The following SP110 variants were observed in gnomAD, a reference collection of about 807,000 sequenced individuals.
SP110 encodes the protein interferon-induced protein 41, 30kD.
In SP110, 62 loss-of-function variants were observed where a neutral mutation model predicts 92.7. That is an observed-to-expected ratio of 0.67 (90% CI 0.55 to 0.83). The LOEUF (loss-of-function observed/expected upper bound fraction) is 0.83, where lower values mean the gene tolerates loss of function less well. SP110 is among the 40% of genes least tolerant of loss of function. The pLI is 0.00. For missense variants in SP110, 793 were observed against 863.9 expected, an observed-to-expected ratio of 0.92 and a Z score of 1.03; for synonymous variants, 273 against 305.3, an observed-to-expected ratio of 0.89 and a Z score of 1.10.
chr2:230,221,620 G>T, upstream of SP110: 1 of 1,288,042 alleles, frequency 7.8e-7, no homozygotes, highest in Non-Finnish European at 1.1e-6. Flanking sequence ...GCCTCAGCAT[G>T]CAGTAACATA....
intron 10 of SP110, among the ~76,000 whole-genome samples, chr2:230,195,297 A>T (rs2148815925): frequency 6.6e-6 from 1 of 152,286 alleles, no homozygotes; most frequent in East Asian, 1.9e-4. Flanking sequence ...ATAAAGATGG[A>T]TCAGGAATAT....
At chr2:230,189,780 G>C (rs1039895153) in intron 10 of SP110, among the ~76,000 whole-genome samples, 1 of 152,156 alleles carries the variant, frequency 6.6e-6, no homozygotes, top group Non-Finnish European at 1.5e-5. Context: ...ACTTATGAGT[G>C]AGAACATGCG....
At position 230,178,156 on chromosome 2, in the gene SP110, C is replaced by T; in HGVS notation, c.1447+1G>A. 6.3e-7 allele frequency: 1 copy of T among 1,586,482 alleles called. No individual in the cohort carries two copies. The highest frequency in any genetic ancestry group is 8.7e-7 in the Non-Finnish European group (1 of 1,155,194). The stretch of plus-strand genomic sequence containing the variant: ...AAAGAGCAGAAGACCAAGGAACTCA[C>T]CGTGTTTCATTTTCTTCTTATATAA... On this transcript the variant is annotated splice_donor_variant, in intron 13 of 18. Coordinates refer to ENST00000258381, the MANE Select transcript of SP110 (RefSeq NM_080424.4). LOFTEE classifies it high-confidence loss of function.
At chr2:230,223,180 G>C (rs1305244464), upstream of SP110, among the ~76,000 whole-genome samples, 1 of 151,994 alleles carries the variant, frequency 6.6e-6, no homozygotes, top group Non-Finnish European at 1.5e-5. Context: ...GGGACTACAG[G>C]CACGCATCAC....
intron 8 of SP110, among the ~76,000 whole-genome samples, chr2:230,205,699 G>T (rs1323002749): frequency 6.6e-6 from 1 of 152,150 alleles, no homozygotes; most frequent in Non-Finnish European, 1.5e-5. Flanking sequence ...AGAAGACTAG[G>T]TTTTTGGTAA....
At chr2:230,177,297 A>C in intron 14 of SP110, 1 of 544,750 alleles carries the variant, frequency 1.8e-6, no homozygotes, top group Non-Finnish European at 3.3e-6. Context: ...TCTTCACCTC[A>C]AAGCCCTTTG....
Position 230,172,851 on chromosome 2 carries a change from C to G in SP110, c.1699G>C (p.Ala567Pro). 1 of 1,611,676 alleles carries G rather than the reference C, an allele frequency of 6.2e-7. No individual in the cohort carries two copies. Among genetic ancestry groups the G allele is most frequent in the South Asian group, 1.1e-5 (1 of 91,038 alleles). ...GGGCTGCATCCCACTCACCTCTTGG[C>G]TTCCACAGGGGGGATGTGACAGTCC... is the stretch of plus-strand genomic sequence containing the variant. ...HEDCHIPPVE[A>P]KRMLWSCTFC... is the part of the protein sequence containing the mutation. Residue 567 changes from alanine to proline, a missense_variant, in exon 15 of 19, where the codon GCC becomes CCC. Physicochemically the swap from Ala to Pro is conservative, Grantham distance 27. Transcript: ENST00000258381.
upstream of SP110, among the ~76,000 whole-genome samples, chr2:230,224,489 G>C (rs560329112): frequency 5.3e-5 from 8 of 150,716 alleles, no homozygotes; most frequent in East Asian, 9.7e-4. Context: ...GAGAGGGAGA[G>C]AGAGGGAGAC....
intron 14 of SP110, chr2:230,176,449 T>C: frequency 7.0e-7 from 1 of 1,424,394 alleles, no homozygotes; most frequent in Admixed American, 2.8e-5. Context: ...TATCCAGATC[T>C]TTTTCTAAAA....
intron 10 of SP110, among the ~76,000 whole-genome samples, chr2:230,198,330 C>G (rs1017255352): frequency 6.6e-6 from 1 of 152,136 alleles, no homozygotes; most frequent in Non-Finnish European, 1.5e-5. Flanking sequence ...AGAGCTGCCT[C>G]CTGCAAGGGG....
intron 10 of SP110, among the ~76,000 whole-genome samples, chr2:230,196,543 TA>T (rs5839363): frequency 0.014 from 2,108 of 151,930 alleles, 20 homozygotes; most frequent in Non-Finnish European, 0.021. Flanking sequence ...TTCTTTTTTT[TA>T]AAATTTTATT....
At chr2:230,173,131 CACA>C (rs1486067640) in intron 14 of SP110, 172 bp from the exon 15 acceptor site, 4 of 615,926 alleles carry the variant, frequency 6.5e-6, no homozygotes, top group African/African-American at 1.8e-5. Flanking sequence ...AGACAAATGG[CACA>C]ACAAGCAGAG....
intron 11 of SP110, among the ~76,000 whole-genome samples, chr2:230,184,477 T>C (rs1156529914): frequency 6.6e-6 from 1 of 152,150 alleles, no homozygotes; most frequent in Admixed American, 6.5e-5. Flanking sequence ...AAACATCCCA[T>C]GACACACACG....
chr2:230,197,402 C>G (rs2042927812), intron 10 of SP110, among the ~76,000 whole-genome samples: 1 of 151,060 alleles, frequency 6.6e-6, no homozygotes, highest in Non-Finnish European at 1.5e-5. Context: ...TTGTTTTTTT[C>G]TTGTAAATTT....
chr2:230,196,934 G>A (rs555271745), intron 10 of SP110, among the ~76,000 whole-genome samples: 6 of 152,258 alleles, frequency 3.9e-5, no homozygotes, highest in African/African-American at 1.4e-4. Context: ...TCTTAATCCA[G>A]TCTATCGTTG....
Position 230,170,494 on chromosome 2 carries a change from T to C in SP110, c.2028+127A>G. 2.6e-6 allele frequency: 3 copies of C among 1,169,126 alleles called. No individual in the cohort carries two copies. The East Asian group carries it at 7.4e-5, about 29-fold the overall frequency. The allele number at this position is 1,169,126 out of a possible 1,614,324, so 72.4% of individuals were successfully genotyped here. ...AGGAATGCCGAGGTGGTTTTTTTTC[T>C]GTAATCCTTGTCTTGTTTGAGCTCT... On this transcript the variant is annotated intron_variant, in intron 18 of 18. Transcript: ENST00000258381.
At chr2:230,218,522 CA>C (rs1488421570) in intron 1 of SP110, among the ~76,000 whole-genome samples, 2 of 152,114 alleles carry the variant, frequency 1.3e-5, no homozygotes, top group African/African-American at 4.8e-5. Context: ...CAGAGAAAGG[CA>C]GAGTAAACAT....
upstream of SP110, chr2:230,221,920 T>C: frequency 1.6e-6 from 1 of 615,158 alleles, no homozygotes. Context: ...ATGAAAGATG[T>C]TTATTCTAAG....
At chr2:230,198,598 T>A (rs1574656903) in intron 10 of SP110, among the ~76,000 whole-genome samples, 2 of 118,018 alleles carry the variant, frequency 1.7e-5, no homozygotes, top group South Asian at 3.9e-4. Flanking sequence ...ATGATAGAAT[T>A]TTTTTTTCTT....
Sources: gnomAD v4.1 joint callset for allele counts (sites outside exome capture counted in the v4.1 genomes callset) on GRCh38, gnomAD v4.1.1 for gene constraint, MANE v1.5 for transcripts, NCBI Gene and HGNC (gene_info 2026-07-23, HGNC 2026-07-21) for gene names.